TMEM150C: variants seen among roughly 807,000 people sequenced by gnomAD.
TMEM150C encodes tentonin 3.
Under a neutral mutation model 29.9 loss-of-function variants are expected in TMEM150C, and 10 were observed. The observed-to-expected ratio is 0.33, with a 90% CI of 0.21 to 0.57. The LOEUF is 0.57. Among genes scored for constraint, TMEM150C ranks in the 20% least tolerant of loss-of-function variants. The probability of loss-of-function intolerance (pLI) is 0.88; values close to 1 mark genes in which losing one functional copy is unlikely to be tolerated. For missense variants in TMEM150C, 251 were observed against 303.6 expected (o/e 0.83, Z 1.29); for synonymous variants, 101 against 112.5 (o/e 0.90, Z 0.64).
intron 1 of TMEM150C, among the ~76,000 whole-genome samples, chr4:82,514,304 A>G (rs1192319564): frequency 6.6e-6 from 1 of 152,152 alleles, no homozygotes; most frequent in Non-Finnish European, 1.5e-5. Context: ...TCTTTTTCCA[A>G]TAGGAGTTTT....
chr4:82,544,961 C>T (rs1464682940), intron 1 of TMEM150C, among the ~76,000 whole-genome samples: 1 of 152,064 alleles, frequency 6.6e-6, no homozygotes, highest in Non-Finnish European at 1.5e-5. Flanking sequence ...CAAATTCTAC[C>T]AGATGTACAA....
chr4:82,513,596 T>G (rs986587878), intron 1 of TMEM150C, among the ~76,000 whole-genome samples: 2 of 151,902 alleles, frequency 1.3e-5, no homozygotes, highest in Non-Finnish European at 2.9e-5. Flanking sequence ...TGACCTAACT[T>G]GAAAAGCAGA....
At chr4:82,500,989 T>A (rs958923782) in intron 5 of TMEM150C, among the ~76,000 whole-genome samples, 1 of 152,178 alleles carries the variant, frequency 6.6e-6, no homozygotes, top group African/African-American at 2.4e-5. Flanking sequence ...GGGAAGAGCA[T>A]ACGAATAGAT....
chr4:82,496,805 C>T (rs577269913), intron 5 of TMEM150C, among the ~76,000 whole-genome samples: 1 of 152,312 alleles, frequency 6.6e-6, no homozygotes, highest in South Asian at 2.1e-4. Context: ...TCCTTTATTA[C>T]TGGTTTTACT....
rs187454030 is a variant in TMEM150C at position 82,496,364 on chromosome 4, A to C, written c.236-169T>G. 1.8e-4 allele frequency: 106 copies of C among 596,400 alleles called. 2 individuals are homozygous for C. The Admixed American group carries it at 3.2e-3, about 18-fold the overall frequency. The allele number at this position is 596,400 out of a possible 1,614,324, so 36.9% of individuals were successfully genotyped here. A position where few individuals can be genotyped will look rare whatever the true frequency, so the allele number is the denominator to read the frequency against. On this transcript the variant is annotated intron_variant, in intron 5 of 7. Coordinates refer to ENST00000449862, the MANE Select transcript of TMEM150C (RefSeq NM_001080506.3). ...TAAACTTTTCACCACAGCACATTTT[A>C]CATCTCTGGAATGATCCACAATTTT...
chr4:82,551,848 A>C (rs566667572), intron 1 of TMEM150C, among the ~76,000 whole-genome samples: 2 of 152,182 alleles, frequency 1.3e-5, no homozygotes, highest in African/African-American at 4.8e-5. Context: ...TGCAGTAGGC[A>C]CTCTGGTATA....
rs1190338446 is a variant in TMEM150C at position 82,483,631 on chromosome 4, CT to C, written c.*1879del. Reference sequence around the variant, plus strand: ...CTCTCTCTGACACTCCTTTTTCCTACTCTTAAATTATTAATAATTCTATTCA... The same window carrying C: ...CTCTCTCTGACACTCCTTTTTCCTACCTTAAATTATTAATAATTCTATTCA... On this transcript the variant is annotated 3_prime_UTR_variant, in exon 8 of 8. Transcript: ENST00000449862. 1 of 152,168 alleles carries C rather than the reference CT, an allele frequency of 6.6e-6. No individual in the cohort carries two copies. The highest frequency in any genetic ancestry group is 1.5e-5 in the Non-Finnish European group (1 of 68,032). 9.4% of individuals were successfully genotyped at this position (152,168 alleles called of 1,614,324 possible).
intron 1 of TMEM150C, among the ~76,000 whole-genome samples, chr4:82,512,794 T>C (rs1273663893): frequency 6.6e-6 from 1 of 152,176 alleles, no homozygotes; most frequent in Non-Finnish European, 1.5e-5. Context: ...GTTTTTGTTA[T>C]ATATATTTCA....
chr4:82,562,013 G>A, upstream of TMEM150C: 1 of 1,146,122 alleles, frequency 8.7e-7, no homozygotes, highest in Non-Finnish European at 1.1e-6. Context: ...AGGAAGGGGT[G>A]GGATCTGCTC....
chr4:82,518,429 C>T (rs770930200), intron 1 of TMEM150C, among the ~76,000 whole-genome samples: 38 of 152,338 alleles, frequency 2.5e-4, no homozygotes, highest in Middle Eastern at 3.4e-3. Flanking sequence ...TTACCAGACC[C>T]GGGATGCACT....
intron 1 of TMEM150C, among the ~76,000 whole-genome samples, chr4:82,558,689 A>G (rs1044437169): frequency 1.3e-5 from 2 of 152,256 alleles, no homozygotes; most frequent in Non-Finnish European, 2.9e-5. Context: ...TAAAGTTCCA[A>G]TAATTTATGA....
At chr4:82,499,831 G>A (rs747197972) in intron 5 of TMEM150C, among the ~76,000 whole-genome samples, 5 of 149,774 alleles carry the variant, frequency 3.3e-5, no homozygotes, top group Non-Finnish European at 7.4e-5. Flanking sequence ...CTCAAATAAC[G>A]TCCCTTCCTT....
intron 1 of TMEM150C, among the ~76,000 whole-genome samples, chr4:82,547,027 A>C (rs940203272): frequency 2.0e-5 from 3 of 152,146 alleles, no homozygotes; most frequent in Admixed American, 6.5e-5. Flanking sequence ...CAATTGCAAC[A>C]AAAATAAAAA....
intron 6 of TMEM150C, 77 bp from the exon 7 acceptor site, chr4:82,490,315 G>T: frequency 7.9e-7 from 1 of 1,259,458 alleles, no homozygotes; most frequent in Non-Finnish European, 1.1e-6. Flanking sequence ...ATGAATATAT[G>T]AGGGGAAAAG....
chr4:82,498,439 G>T (rs181131072), intron 5 of TMEM150C, among the ~76,000 whole-genome samples: 5 of 152,142 alleles, frequency 3.3e-5, no homozygotes, highest in Non-Finnish European at 5.9e-5. Context: ...ACAGGTGCAC[G>T]CCACCAAGCC....
chr4:82,504,648 T>C lies in TMEM150C; in HGVS notation c.10A>G (p.Lys4Glu), dbSNP rs1330547739. ...AGGAACATCCATACGCTGCATTTCT[T>C]CCCATCCATGCCTGTACCACTGAAA... is the stretch of plus-strand genomic sequence containing the variant. MDGKKCSVWMFLPL... is the reference protein window; with the variant it reads MDGEKCSVWMFLPL... The change falls in exon 2 of 8, where the codon AAG becomes GAG. Residue 4 changes from lysine to glutamate, a missense_variant. Physicochemically the swap from Lys to Glu is moderately conservative, Grantham distance 56. Transcript: ENST00000449862. 2.5e-6 allele frequency: 4 copies of C among 1,613,400 alleles called. No homozygotes were observed. The highest frequency in any genetic ancestry group is 2.5e-6 in the Non-Finnish European group (3 of 1,179,494).
intron 7 of TMEM150C, 46 bp downstream of exon 7, chr4:82,490,015 G>C: frequency 6.3e-7 from 1 of 1,580,222 alleles, no homozygotes; most frequent in Non-Finnish European, 8.7e-7. Context: ...CAACTTACTT[G>C]TTTTCATCTT....
At chr4:82,550,132 T>C (rs984339952) in intron 1 of TMEM150C, among the ~76,000 whole-genome samples, 7 of 152,166 alleles carry the variant, frequency 4.6e-5, no homozygotes, top group African/African-American at 7.2e-5. Flanking sequence ...GGGAGGTGAC[T>C]AGATCAAGAG....
At position 82,522,058 on chromosome 4, in the gene TMEM150C, T is replaced by C. The variant is rs1251295889; in HGVS notation, c.-10-17391A>G. Among the ~76,000 whole-genome samples, 4 of 151,876 alleles carry C rather than the reference T, an allele frequency of 2.6e-5. No homozygotes were observed. The South Asian group carries it at 6.2e-4, about 24-fold the overall frequency. The stretch of plus-strand genomic sequence containing the variant: ...AGCCTGGACAACAGAGCGAGAACTT[T>C]ATTCAAAAAAAAAATTTACTCTTTG... On this transcript the variant is annotated intron_variant, in intron 1 of 7. Coordinates refer to ENST00000449862, the MANE Select transcript of TMEM150C (RefSeq NM_001080506.3).
Sources: gnomAD v4.1 joint callset for allele counts (sites outside exome capture counted in the v4.1 genomes callset) on GRCh38, gnomAD v4.1.1 for gene constraint, MANE v1.5 for transcripts, NCBI Gene and HGNC (gene_info 2026-07-23, HGNC 2026-07-21) for gene names.